The following CASTOR2 variants were observed in gnomAD, a reference collection of about 807,000 sequenced individuals.
The protein encoded by CASTOR2 is GATS protein like 2.
A neutral mutation model predicts 31.2 loss-of-function variants in CASTOR2; 8 were observed. That is an observed-to-expected ratio of 0.26 (90% CI 0.15 to 0.46). The LOEUF (loss-of-function observed/expected upper bound fraction) is 0.46. CASTOR2 is among the 20% of genes least tolerant of loss of function. CASTOR2 has a pLI of 0.99. For missense variants in CASTOR2, 216 were observed against 382.1 expected, an observed-to-expected ratio of 0.57 and a Z score of 3.62; for synonymous variants, 162 against 158.7, an observed-to-expected ratio of 1.02 and a Z score of -0.16.
In CASTOR2 at chr7:75,028,084, C is replaced by G. The variant is rs991216217; in HGVS notation, c.*3385C>G. 3 of 1,511,512 alleles carry G rather than the reference C, an allele frequency of 2.0e-6. No homozygotes were observed. The highest frequency in any genetic ancestry group is 2.1e-5 in the Admixed American group (1 of 47,994). The allele number at this position is 1,511,512 out of a possible 1,614,324, so 93.6% of individuals were successfully genotyped here. ...GCTGGCGGATGGGGCAGGTGCCTGGCGGGGGAGGAAGAGGGCTCTCTATGA... is the reference window on the plus strand; with the variant it reads ...GCTGGCGGATGGGGCAGGTGCCTGGGGGGGGAGGAAGAGGGCTCTCTATGA... On this transcript the variant is annotated 3_prime_UTR_variant, in exon 9 of 9. Transcript: ENST00000616305.
At chr7:74,976,977 T>C (rs1485175656) in intron 1 of CASTOR2, among the ~76,000 whole-genome samples, 1 of 149,288 alleles carries the variant, frequency 6.7e-6, no homozygotes, top group Non-Finnish European at 1.5e-5. Flanking sequence ...CTGAGGTCAG[T>C]AGTTCGAGAC....
chr7:74,974,414 G>T (rs1335086941), intron 1 of CASTOR2, among the ~76,000 whole-genome samples: 7 of 150,790 alleles, frequency 4.6e-5, no homozygotes, highest in Admixed American at 1.3e-4. Context: ...AAAGGTAGAG[G>T]GTGAGAGGAC....
At chr7:75,002,912 A>AT (rs1223624969) in intron 1 of CASTOR2, among the ~76,000 whole-genome samples, 1 of 152,074 alleles carries the variant, frequency 6.6e-6, no homozygotes, top group Non-Finnish European at 1.5e-5. Context: ...ACATAGCAAG[A>AT]TCCCATCTCT....
At chr7:75,007,753 C>T (rs1554438905) in intron 1 of CASTOR2, 78 of 612,406 alleles carry the variant, frequency 1.3e-4, no homozygotes, top group Admixed American at 2.5e-4. Context: ...TGACTGGCTC[C>T]GAGGTCCCCA....
intron 2 of CASTOR2, among the ~76,000 whole-genome samples, chr7:75,011,746 A>C (rs1271126305): frequency 2.5e-5 from 3 of 122,340 alleles, no homozygotes; most frequent in African/African-American, 5.5e-5. Flanking sequence ...AAAAAAAAAA[A>C]CCAAAAAAAA....
chr7:75,007,452 C>T (rs1180692755), intron 1 of CASTOR2, among the ~76,000 whole-genome samples: 1 of 152,162 alleles, frequency 6.6e-6, no homozygotes, highest in Admixed American at 6.6e-5. Flanking sequence ...AAAAATGTCA[C>T]GGATGGCTGC....
At chr7:75,017,846 T>C (rs1352612630) in intron 3 of CASTOR2, 55 bp downstream of exon 3, 25 of 1,613,174 alleles carry the variant, frequency 1.5e-5, no homozygotes, top group African/African-American at 2.7e-5. Flanking sequence ...TCTGACACAC[T>C]CACTCCCATC....
chr7:75,019,158 G>T, intron 5 of CASTOR2, 63 bp downstream of exon 5: 1 of 1,551,342 alleles, frequency 6.4e-7, no homozygotes, highest in Non-Finnish European at 8.7e-7. Context: ...GCTCCGCCTA[G>T]GAGTCTTAGT....
chr7:74,964,796 G>C lies in CASTOR2; in HGVS notation c.-190G>C, dbSNP rs1297294311. 9.1e-5 allele frequency: 6 copies of C among 66,206 alleles called. No individual in the cohort carries two copies. Among genetic ancestry groups the C allele is most frequent in the Non-Finnish European group, 1.7e-4 (6 of 34,680 alleles). 4.1% of individuals were successfully genotyped at this position (66,206 alleles called of 1,614,324 possible). On this transcript the variant is annotated 5_prime_UTR_variant, in exon 1 of 9. Coordinates refer to ENST00000616305, the MANE Select transcript of CASTOR2 (RefSeq NM_001145064.3). ...CCGGCGCTGCCTCCCTCGCCCCGCG[G>C]CTCCCCCTTGCAACTTGGCGGGCCT...
intron 1 of CASTOR2, among the ~76,000 whole-genome samples, chr7:74,978,066 C>T (rs1475800399): frequency 2.0e-5 from 3 of 150,196 alleles, no homozygotes; most frequent in Non-Finnish European, 3.0e-5. Flanking sequence ...TGAGCTAGAT[C>T]TCTGCTTAAA....
chr7:74,973,200 TCTGTGCTATGTTTCTTAC>T (rs1803719220), intron 1 of CASTOR2, among the ~76,000 whole-genome samples: 1 of 150,850 alleles, frequency 6.6e-6, no homozygotes. Context: ...GCTTGACCTC[TCTGTGCTATGTTTCTTAC>T]CTGTAAAACA....
In CASTOR2 at chr7:75,025,794, G is replaced by A. The variant is rs910510823; in HGVS notation, c.*1095G>A. Among the ~76,000 whole-genome samples the A allele has an allele frequency of 1.3e-5, 2 of 152,240 alleles. No homozygotes were observed. Among genetic ancestry groups the A allele is most frequent in the Non-Finnish European group, 2.9e-5 (2 of 68,048 alleles). Reference sequence around the variant, plus strand: ...TCTTGGCGGTAGTTTCTGTTTGGCAGGGATAGGACCTGTTTGAGTTCTGTC... The same window carrying A: ...TCTTGGCGGTAGTTTCTGTTTGGCAAGGATAGGACCTGTTTGAGTTCTGTC... On this transcript the variant is annotated 3_prime_UTR_variant, in exon 9 of 9. Transcript: ENST00000616305.
At chr7:75,021,766 A>T in intron 6 of CASTOR2, 108 bp from the exon 7 acceptor site, 3 of 1,405,146 alleles carry the variant, frequency 2.1e-6, no homozygotes, top group Non-Finnish European at 3.0e-6. Context: ...GGTCTGCCCA[A>T]CCCTGCCTGG....
chr7:75,030,412 CA>C lies in CASTOR2; in HGVS notation c.*5714del, dbSNP rs1248366470. 1.3e-5 allele frequency among the ~76,000 whole-genome samples: 2 copies of C among 152,122 alleles called. No homozygotes were observed. Among genetic ancestry groups the C allele is most frequent in the East Asian group, 3.9e-4 (2 of 5,186 alleles). On this transcript the variant is annotated 3_prime_UTR_variant, in exon 9 of 9. Coordinates refer to ENST00000616305, the MANE Select transcript of CASTOR2 (RefSeq NM_001145064.3). ...AGGACTCGAATGCAGACCCTGGCTCCAGGGGAGAGGGTGGGGCGTCTCTGGT... is the reference window on the plus strand; with the variant it reads ...AGGACTCGAATGCAGACCCTGGCTCCGGGGAGAGGGTGGGGCGTCTCTGGT...
intron 7 of CASTOR2, among the ~76,000 whole-genome samples, chr7:75,024,086 G>C (rs960820755): frequency 6.6e-6 from 1 of 151,980 alleles, no homozygotes; most frequent in Non-Finnish European, 1.5e-5. Flanking sequence ...ACAGCAGTTC[G>C]ATACCAGCCT....
intron 1 of CASTOR2, among the ~76,000 whole-genome samples, chr7:75,005,023 G>C (rs1450612953): frequency 1.3e-5 from 2 of 151,318 alleles, no homozygotes; most frequent in African/African-American, 2.4e-5. Context: ...CCACTGCCAC[G>C]CCTGGCTAAT....
chr7:74,999,438 A>T (rs1481793810), intron 1 of CASTOR2, among the ~76,000 whole-genome samples: 3 of 151,922 alleles, frequency 2.0e-5, no homozygotes, highest in African/African-American at 7.3e-5. Context: ...AGGAGAAATG[A>T]AATGTAAATA....
chr7:74,990,451 C>T (rs1804181297), intron 1 of CASTOR2, among the ~76,000 whole-genome samples: 1 of 151,988 alleles, frequency 6.6e-6, no homozygotes, highest in South Asian at 2.1e-4. Flanking sequence ...GGTGCAGTGG[C>T]TTATACCTGT....
At chr7:75,015,325 A>G (rs1804841313) in intron 2 of CASTOR2, among the ~76,000 whole-genome samples, 2 of 152,182 alleles carry the variant, frequency 1.3e-5, no homozygotes, top group Non-Finnish European at 2.9e-5. Flanking sequence ...GCTGGAGTGC[A>G]GTGGTGCGGT....
Sources: allele counts gnomAD v4.1 joint callset (sites outside exome capture counted in the v4.1 genomes callset), GRCh38; gene constraint gnomAD v4.1.1; transcripts MANE v1.5; gene names NCBI Gene and HGNC (gene_info 2026-07-23, HGNC 2026-07-21).